The following PALM2AKAP2 variants were observed in gnomAD, a reference collection of about 807,000 sequenced individuals.
PALM2AKAP2 encodes the protein PALM2-AKAP2 fusion protein.
PALM2AKAP2 carries 37 observed loss-of-function variants against 71.5 expected under a neutral mutation model. The ratio of observed to expected loss-of-function variants is 0.52; its 90% CI spans 0.40 to 0.68. The LOEUF (loss-of-function observed/expected upper bound fraction) is 0.68, where lower values mean the gene tolerates loss of function less well. Ranked by LOEUF, PALM2AKAP2 falls within the 30% of genes least tolerant of loss-of-function variation. PALM2AKAP2 has a pLI of 0.00. For missense variants in PALM2AKAP2, 1,224 were observed against 1,191.8 expected (o/e 1.03, Z -0.40); for synonymous variants, 468 against 478.8 (o/e 0.98, Z 0.29).
intron 1 of PALM2AKAP2, among the ~76,000 whole-genome samples, chr9:109,751,578 C>T (rs898436055): frequency 3.9e-5 from 6 of 152,168 alleles, no homozygotes; most frequent in Admixed American, 1.3e-4. Flanking sequence ...AGACCTCATG[C>T]GCTTGGGCTT....
chr9:109,781,143 G>T (rs1416907982), intron 1 of PALM2AKAP2, among the ~76,000 whole-genome samples: 2 of 152,180 alleles, frequency 1.3e-5, no homozygotes, highest in African/African-American at 2.4e-5. Context: ...ATGGTGTGGA[G>T]TATCTGAAAA....
chr9:110,097,091 A>C (rs1393093864), intron 1 of PALM2AKAP2, among the ~76,000 whole-genome samples: 1 of 148,496 alleles, frequency 6.7e-6, no homozygotes, highest in Non-Finnish European at 1.5e-5. Flanking sequence ...TAGGCAGAGG[A>C]CCCTGCGGCC....
chr9:109,764,521 T>C (rs1829116582), intron 1 of PALM2AKAP2, among the ~76,000 whole-genome samples: 1 of 152,220 alleles, frequency 6.6e-6, no homozygotes, highest in African/African-American at 2.4e-5. Context: ...TCTCTGGCAG[T>C]TCCCCTAGAT....
At chr9:109,806,679 A>G (rs1827581123) in intron 1 of PALM2AKAP2, among the ~76,000 whole-genome samples, 3 of 152,190 alleles carry the variant, frequency 2.0e-5, no homozygotes, top group Admixed American at 2.0e-4. Context: ...TGGTGGAAGG[A>G]ACAGCAAGTG....
chr9:109,862,495 GT>G (rs35250905), intron 1 of PALM2AKAP2, among the ~76,000 whole-genome samples: 20,721 of 152,194 alleles, frequency 0.14, 1,805 homozygotes, highest in East Asian at 0.23. Context: ...CTAGTGGTAT[GT>G]TTTTTCACTT....
chr9:109,690,024 T>C (rs771887673), intron 1 of PALM2AKAP2, among the ~76,000 whole-genome samples: 34 of 151,336 alleles, frequency 2.2e-4, no homozygotes, highest in Non-Finnish European at 4.6e-4. Context: ...TTTTTTTTCC[T>C]CTTAAACAAT....
At chr9:109,921,029 G>A (rs553484939) in intron 3 of PALM2AKAP2, among the ~76,000 whole-genome samples, 28 of 152,194 alleles carry the variant, frequency 1.8e-4, no homozygotes, top group African/African-American at 6.7e-4. Flanking sequence ...CTGAACATCT[G>A]GACCAGCAAA....
chr9:109,758,931 C>G (rs1829008818), intron 1 of PALM2AKAP2, among the ~76,000 whole-genome samples: 1 of 151,940 alleles, frequency 6.6e-6, no homozygotes, highest in Admixed American at 6.6e-5. Context: ...TTGCCTTTCT[C>G]TTATTATGAG....
intron 1 of PALM2AKAP2, among the ~76,000 whole-genome samples, chr9:109,687,801 C>A (rs933465859): frequency 1.3e-5 from 2 of 152,244 alleles, no homozygotes; most frequent in African/African-American, 4.8e-5. Context: ...TTTCAACATG[C>A]CTTTCTCACT....
chr9:110,067,688 T>C (rs1834112152), intron 1 of PALM2AKAP2, among the ~76,000 whole-genome samples: 2 of 152,232 alleles, frequency 1.3e-5, no homozygotes, highest in South Asian at 2.1e-4. Context: ...AGGTCTCAAC[T>C]TTCTTTCGGA....
At chr9:110,038,844 G>A (rs1458568707) in intron 7 of PALM2AKAP2, among the ~76,000 whole-genome samples, 2 of 147,042 alleles carry the variant, frequency 1.4e-5, no homozygotes, top group African/African-American at 5.1e-5. Context: ...GGGAGGCTGA[G>A]GCAGGAGAAT....
intron 6 of PALM2AKAP2, among the ~76,000 whole-genome samples, chr9:109,989,610 C>T (rs747240888): frequency 1.3e-5 from 2 of 152,166 alleles, no homozygotes; most frequent in Admixed American, 6.5e-5. Flanking sequence ...ATCTTCAATA[C>T]GTTATTGTGG....
intron 7 of PALM2AKAP2, among the ~76,000 whole-genome samples, chr9:110,024,568 G>C (rs933297825): frequency 6.6e-6 from 1 of 152,152 alleles, no homozygotes; most frequent in African/African-American, 2.4e-5. Flanking sequence ...TAGATCACTA[G>C]AGCCCAGGAG....
chr9:109,943,486 C>T, intron 6 of PALM2AKAP2: 2 of 1,522,034 alleles, frequency 1.3e-6, no homozygotes, highest in East Asian at 2.3e-5. Flanking sequence ...ACGTAGACCT[C>T]ACTGTACCAC....
intron 1 of PALM2AKAP2, among the ~76,000 whole-genome samples, chr9:109,659,493 C>T (rs1209400527): frequency 2.0e-5 from 3 of 147,244 alleles, no homozygotes; most frequent in East Asian, 4.2e-4. Flanking sequence ...CTGGACATTT[C>T]GTATAAATGG....
rs769230271 is a variant in PALM2AKAP2 at position 110,019,238 on chromosome 9, CAAAA to C, written c.582+3218_582+3221del. ...CTGGCAAAACAGCAAGACTCTGTCT[CAAAA>C]AAAAAAAAAAAAAAAAAAGAGAGAT... On this transcript the variant is annotated intron_variant, in intron 7 of 9. Transcript: ENST00000302798. 6.7e-3 allele frequency among the ~76,000 whole-genome samples: 320 copies of C among 47,932 alleles called. 1 individual carries two copies. The highest frequency in any genetic ancestry group is 0.014 in the South Asian group (20 of 1,468). The allele number at this position is 47,932 out of a possible 152,430, so 31.4% of individuals were successfully genotyped here.
rs115484813 is a variant in PALM2AKAP2, at chr9:109,811,155, C to T, written c.45+30622C>T. Among the ~76,000 whole-genome samples, 365 of 152,268 alleles carry T rather than the reference C, an allele frequency of 2.4e-3. 1 individual carries two copies. Among genetic ancestry groups the T allele is most frequent in the African/African-American group, 8.4e-3 (349 of 41,560 alleles). On this transcript the variant is annotated intron_variant, in intron 1 of 9. Transcript: ENST00000302798. ...GATCTTGAATTTAAATAAGAGCAGA[C>T]AGTAGAAATCAGGTCTTGGGTGTGT...
chr9:110,017,850 C>T (rs1368355427), intron 7 of PALM2AKAP2, among the ~76,000 whole-genome samples: 6 of 152,010 alleles, frequency 3.9e-5, no homozygotes, highest in Non-Finnish European at 8.8e-5. Flanking sequence ...GCCTCAGCCT[C>T]CCGAGTAGCT....
chr9:109,996,332 A>G lies in PALM2AKAP2; in HGVS notation c.497-19622A>G, dbSNP rs1277025118. On this transcript the variant is annotated intron_variant, in intron 6 of 9. Coordinates refer to the PALM2AKAP2 transcript ENST00000302798. ...ACTGAATGGTAATATTTGTGAAATA[A>G]TTGGAGAGGAAACCAAGTTTTAAGC... Among the ~76,000 whole-genome samples the G allele has an allele frequency of 2.0e-5, 3 of 152,230 alleles. No individual in the cohort carries two copies. The East Asian group carries it at 5.8e-4, about 29-fold the overall frequency.
Sources: gnomAD v4.1 joint callset for allele counts (sites outside exome capture counted in the v4.1 genomes callset) on GRCh38, gnomAD v4.1.1 for gene constraint, MANE v1.5 for transcripts, NCBI Gene and HGNC (gene_info 2026-07-23, HGNC 2026-07-21) for gene names.